Variants in SUGCT observed in about 807,000 individuals in gnomAD.
SUGCT encodes succinyl-CoA:glutarate CoA-transferase.
SUGCT carries 41 observed loss-of-function variants against 55.0 expected under a neutral mutation model. The ratio of observed to expected loss-of-function variants is 0.74; its 90% CI spans 0.58 to 0.97. The LOEUF is 0.97. SUGCT is among the 50% of genes least tolerant of loss of function. The probability of loss-of-function intolerance (pLI) is 0.00; values close to 1 mark genes in which losing one functional copy is unlikely to be tolerated. For missense variants in SUGCT, 568 were observed against 547.8 expected (o/e 1.04, Z -0.37); for synonymous variants, 187 against 200.4 (o/e 0.93, Z 0.56).
chr7:40,237,641 G>C lies in SUGCT; in HGVS notation c.491G>C (p.Gly164Ala). The C allele has an allele frequency of 6.2e-7, 1 of 1,613,822 alleles. No homozygotes were observed. Among genetic ancestry groups the C allele is most frequent in the Non-Finnish European group, 8.5e-7 (1 of 1,179,782 alleles). The change falls in exon 7 of 14, where the codon GGT becomes GCT. Residue 164 changes from glycine (G) to alanine (A), a missense_variant. Coordinates refer to ENST00000335693, the MANE Select transcript of SUGCT (RefSeq NM_001193313.2). The stretch of plus-strand genomic sequence containing the variant: ...TTTATTTTTGTTGTTTTAGGGTATG[G>C]TCAGACAGGTCCAATTTCTCAGCGA... Reference protein sequence around the residue: ...HIIYCSITGYGQTGPISQRAG... With the variant: ...HIIYCSITGYAQTGPISQRAG...
intron 1 of SUGCT, among the ~76,000 whole-genome samples, chr7:40,178,409 C>T (rs1234264170): frequency 6.6e-6 from 1 of 152,008 alleles, no homozygotes; most frequent in Non-Finnish European, 1.5e-5. Flanking sequence ...AGTAATTTTT[C>T]CGAGAAAGGA....
At chr7:40,416,896 T>TA (rs1030844810) in intron 9 of SUGCT, among the ~76,000 whole-genome samples, 1 of 152,036 alleles carries the variant, frequency 6.6e-6, no homozygotes, top group African/African-American at 2.4e-5. Context: ...CTAGTGCCTT[T>TA]AAAAAACAAG....
the SUGCT span, among the ~76,000 whole-genome samples, chr7:41,033,236 A>G: frequency 0.46 from 70,070 of 151,968 alleles, 16,393 homozygotes; most frequent in East Asian, 0.56. Flanking sequence ...AGTTGCAGTA[A>G]GTCAGATCAA....
At chr7:40,141,933 C>G in intron 1 of SUGCT, 1 of 287,468 alleles carries the variant, frequency 3.5e-6, no homozygotes, top group Non-Finnish European at 7.2e-6. Flanking sequence ...CACGTGGCCC[C>G]GCTGCTGTGT....
intron 8 of SUGCT, among the ~76,000 whole-genome samples, chr7:40,288,676 A>G (rs1793514927): frequency 6.6e-6 from 1 of 151,984 alleles, no homozygotes; most frequent in Non-Finnish European, 1.5e-5. Flanking sequence ...AGCCCCATTA[A>G]AAAAATAAAG....
intron 13 of SUGCT, among the ~76,000 whole-genome samples, chr7:40,810,183 T>C (rs530516665): frequency 1.7e-3 from 255 of 152,056 alleles, no homozygotes; most frequent in Admixed American, 2.7e-3. Flanking sequence ...TGGAGTGCAA[T>C]GGCACAATCA....
At chr7:40,627,748 G>T (rs920303462) in intron 12 of SUGCT, among the ~76,000 whole-genome samples, 4 of 152,176 alleles carry the variant, frequency 2.6e-5, no homozygotes, top group African/African-American at 9.7e-5. Context: ...GGAAAGTTAG[G>T]GTTTTCCTTT....
At chr7:40,333,693 ATAT>A (rs1796486175) in intron 9 of SUGCT, among the ~76,000 whole-genome samples, 1 of 130,780 alleles carries the variant, frequency 7.6e-6, no homozygotes, top group Non-Finnish European at 1.6e-5. Flanking sequence ...ATATATATAT[ATAT>A]ATATATAAAT....
At chr7:40,711,509 A>C (rs1562958851) in intron 12 of SUGCT, among the ~76,000 whole-genome samples, 4 of 152,190 alleles carry the variant, frequency 2.6e-5, no homozygotes. Flanking sequence ...CTAAAAAAAA[A>C]GAAAGAAAAA....
At chr7:40,506,590 C>A (rs1009564539) in intron 12 of SUGCT, among the ~76,000 whole-genome samples, 7 of 152,062 alleles carry the variant, frequency 4.6e-5, no homozygotes, top group African/African-American at 1.7e-4. Context: ...TTCATAAAAT[C>A]TGAATAGTTT....
chr7:40,448,255 T>TTCCTTCCTTC (rs1788968015), intron 9 of SUGCT, among the ~76,000 whole-genome samples: 1 of 114,082 alleles, frequency 8.8e-6, no homozygotes, highest in Non-Finnish European at 1.7e-5. Context: ...CCTTCCTTCC[T>TTCCTTCCTTC]TCCTTCCTTC....
chr7:40,914,278 C>CATTTTCT, the SUGCT span, among the ~76,000 whole-genome samples: 235 of 83,796 alleles, frequency 2.8e-3, 1 homozygote, highest in African/African-American at 8.9e-3. Context: ...TTTTCTTTTT[C>CATTTTCT]TTTTTTTTTT....
At chr7:40,755,038 C>T (rs752334493) in intron 13 of SUGCT, among the ~76,000 whole-genome samples, 6 of 152,170 alleles carry the variant, frequency 3.9e-5, no homozygotes, top group Non-Finnish European at 7.3e-5. Context: ...GCAGAGAAAG[C>T]ACTCCAGTGG....
intron 12 of SUGCT, among the ~76,000 whole-genome samples, chr7:40,741,503 G>A (rs930531549): frequency 1.3e-5 from 2 of 152,166 alleles, no homozygotes; most frequent in African/African-American, 4.8e-5. Flanking sequence ...GAGATATAAA[G>A]CAACTGGTGG....
At chr7:40,278,530 C>G (rs1326686594) in intron 8 of SUGCT, among the ~76,000 whole-genome samples, 1 of 152,174 alleles carries the variant, frequency 6.6e-6, no homozygotes, top group Non-Finnish European at 1.5e-5. Flanking sequence ...CTACAGCTTA[C>G]CTGAAGTGCA....
At chr7:40,725,567 C>G (rs1303667025) in intron 12 of SUGCT, among the ~76,000 whole-genome samples, 1 of 151,460 alleles carries the variant, frequency 6.6e-6, no homozygotes, top group Non-Finnish European at 1.5e-5. Flanking sequence ...CAGTAGGGAC[C>G]TCTATTTTCT....
At chr7:40,615,128 G>A (rs748132352) in intron 12 of SUGCT, among the ~76,000 whole-genome samples, 1 of 151,674 alleles carries the variant, frequency 6.6e-6, no homozygotes, top group Non-Finnish European at 1.5e-5. Flanking sequence ...CAAACACACT[G>A]CTAATTCTAT....
intron 12 of SUGCT, among the ~76,000 whole-genome samples, chr7:40,658,012 T>A (rs1178924368): frequency 1.3e-5 from 2 of 152,184 alleles, no homozygotes; most frequent in Non-Finnish European, 2.9e-5. Context: ...TAGAGGGAAT[T>A]GAATTAAATT....
At chr7:40,172,210 G>A (rs1038072797) in intron 1 of SUGCT, among the ~76,000 whole-genome samples, 2 of 152,210 alleles carry the variant, frequency 1.3e-5, no homozygotes, top group African/African-American at 2.4e-5. Flanking sequence ...CCAAGGAGCC[G>A]AGGCTTGGAG....
Sources: allele counts gnomAD v4.1 joint callset (sites outside exome capture counted in the v4.1 genomes callset), GRCh38; gene constraint gnomAD v4.1.1; transcripts MANE v1.5; gene names NCBI Gene and HGNC (gene_info 2026-07-23, HGNC 2026-07-21).